The following RGS12 variants were observed in gnomAD, a reference collection of about 807,000 sequenced individuals.
The protein encoded by RGS12 is regulator of G-protein signaling 12.
Under a neutral mutation model 120.1 loss-of-function variants are expected in RGS12, and 66 were observed. The observed-to-expected ratio is 0.55, with a 90% CI of 0.45 to 0.67. The LOEUF (loss-of-function observed/expected upper bound fraction) is 0.67, where lower values mean the gene tolerates loss of function less well. RGS12 is among the 30% of genes least tolerant of loss of function. RGS12 has a pLI of 0.00. For synonymous variants in RGS12, 827 were observed against 804.7 expected, an observed-to-expected ratio of 1.03 and a Z score of -0.47; for missense variants, 1,859 against 1,957.7, an observed-to-expected ratio of 0.95 and a Z score of 0.95.
chr4:3,297,424 A>G (rs1723441613), intron 1 of RGS12, among the ~76,000 whole-genome samples: 2 of 152,162 alleles, frequency 1.3e-5, no homozygotes, highest in African/African-American at 2.4e-5. Context: ...AAAGCTTAAG[A>G]CATTCTTTTT....
At chr4:3,310,014 G>A (rs1264233774) in intron 1 of RGS12, among the ~76,000 whole-genome samples, 17 of 125,360 alleles carry the variant, frequency 1.4e-4, no homozygotes, top group South Asian at 2.7e-4. Flanking sequence ...AACCGTGTGG[G>A]GGAGGAGCTG....
rs1724717702 is a variant in RGS12, at chr4:3,316,072, C to T, written c.-99C>T. The T allele has an allele frequency of 8.1e-7, 1 of 1,240,658 alleles. No homozygotes were observed. Among genetic ancestry groups the T allele is most frequent in the East Asian group, 2.4e-5 (1 of 41,958 alleles). The allele number at this position is 1,240,658 out of a possible 1,614,324, so 76.9% of individuals were successfully genotyped here. ...AGCTGTTCGTTTTTCTTTCTTAGGG[C>T]ACTGTTTGAAGAAGCAAACATGGTA... On this transcript the variant is annotated splice_region_variant and 5_prime_UTR_variant, in exon 2 of 18. Coordinates refer to ENST00000336727, the MANE Select transcript of RGS12 (RefSeq NM_001394154.1).
intron 1 of RGS12, among the ~76,000 whole-genome samples, chr4:3,308,824 T>C (rs1724121892): frequency 6.6e-6 from 1 of 152,276 alleles, no homozygotes; most frequent in Non-Finnish European, 1.5e-5. Flanking sequence ...CTGTCAGGAT[T>C]GTGCTGTCAT....
intron 3 of RGS12, among the ~76,000 whole-genome samples, chr4:3,369,186 C>A (rs1371058026): frequency 6.6e-6 from 1 of 152,174 alleles, no homozygotes; most frequent in Non-Finnish European, 1.5e-5. Flanking sequence ...TGCCCCCCGC[C>A]CCTGCAGACT....
At position 3,374,597 on chromosome 4, in the gene RGS12, C is replaced by T. The variant is rs566276159; in HGVS notation, c.1999-11819C>T. ...TCCAGTGTACCCCTCCCTCAGTCTG[C>T]CACATCTCAGGAAGGGATGTCCCTG... is the stretch of plus-strand genomic sequence containing the variant. On this transcript the variant is annotated intron_variant, in intron 3 of 17. Coordinates refer to ENST00000336727, the MANE Select transcript of RGS12 (RefSeq NM_001394154.1). This position sits in a 1 kb window ranked among gnomAD's most constrained non-coding sequence, Gnocchi z 6.3. Among the ~76,000 whole-genome samples the T allele has an allele frequency of 6.6e-5, 10 of 152,150 alleles. No individual in the cohort carries two copies. The highest frequency in any genetic ancestry group is 4.6e-4 in the Admixed American group (7 of 15,294).
At chr4:3,318,073 C>T in intron 2 of RGS12, 22 bp downstream of exon 2, 6 of 1,574,708 alleles carry the variant, frequency 3.8e-6, no homozygotes, top group Non-Finnish European at 5.2e-6. Flanking sequence ...AGGAGCCACT[C>T]AGCGCGGAGG....
Position 3,366,089 on chromosome 4 carries a change from A to C in RGS12, c.1999-20327A>C, listed in dbSNP as rs1030661501. Among the ~76,000 whole-genome samples, 1 of 152,044 alleles carries C rather than the reference A, an allele frequency of 6.6e-6. No homozygotes were observed. Among genetic ancestry groups the C allele is most frequent in the Non-Finnish European group, 1.5e-5 (1 of 67,994 alleles). On this transcript the variant is annotated intron_variant, in intron 3 of 17. Coordinates refer to ENST00000336727, the MANE Select transcript of RGS12 (RefSeq NM_001394154.1). This position sits in a 1 kb window ranked among gnomAD's most constrained non-coding sequence, Gnocchi z 4.0. ...GCAGGCCAGGCAGTGGTGGGACCTC[A>C]TCTGGGGGGTGCTGGCCTGGGCAGC...
chr4:3,424,101 AGGC>A (rs1723343731), intron 13 of RGS12, among the ~76,000 whole-genome samples: 1 of 152,242 alleles, frequency 6.6e-6, no homozygotes. Flanking sequence ...TGGCATTTCC[AGGC>A]TGCGCCATTA....
At chr4:3,304,615 A>G (rs565407535) in intron 1 of RGS12, among the ~76,000 whole-genome samples, 1 of 152,282 alleles carries the variant, frequency 6.6e-6, no homozygotes, top group East Asian at 1.9e-4. Context: ...CGCTTGTGAG[A>G]TTATGATCAG....
At chr4:3,340,500 G>A (rs899055793) in intron 2 of RGS12, among the ~76,000 whole-genome samples, 1 of 152,234 alleles carries the variant, frequency 6.6e-6, no homozygotes, top group Non-Finnish European at 1.5e-5. Context: ...GGGCGCCCGG[G>A]GTGTGGACCC....
At chr4:3,329,123 A>G (rs1711542671) in intron 2 of RGS12, among the ~76,000 whole-genome samples, 1 of 151,976 alleles carries the variant, frequency 6.6e-6, no homozygotes, top group Non-Finnish European at 1.5e-5. Flanking sequence ...TTCCTTTCCT[A>G]CCCTCCCTGT....
chr4:3,428,540 A>T lies in RGS12; in HGVS notation c.3412-18A>T. 6.4e-7 allele frequency: 1 copy of T among 1,565,450 alleles called. No individual in the cohort carries two copies. On this transcript the variant is annotated intron_variant, in intron 15 of 17. Transcript: ENST00000336727. ...GTATTGAAATGAAAGTAGAACTTTG[A>T]CTTTCCTTCTAATGCAGGGAGAGGA...
chr4:3,329,567 C>T (rs899915696), intron 2 of RGS12, among the ~76,000 whole-genome samples: 1 of 147,394 alleles, frequency 6.8e-6, no homozygotes, highest in Non-Finnish European at 1.5e-5. Flanking sequence ...ACACAAACGT[C>T]CCCTCATACA....
chr4:3,327,655 A>AC (rs1437335025), intron 2 of RGS12, among the ~76,000 whole-genome samples: 1 of 152,238 alleles, frequency 6.6e-6, no homozygotes. Flanking sequence ...CAAACGTTCA[A>AC]CAGGCATGTG....
At chr4:3,318,202 C>T in intron 2 of RGS12, 151 bp downstream of exon 2, 1 of 677,222 alleles carries the variant, frequency 1.5e-6, no homozygotes. Context: ...TCTGCGTTGC[C>T]TGTGGGCTGC....
chr4:3,412,014 A>G (rs1266520762), intron 4 of RGS12, among the ~76,000 whole-genome samples: 3 of 152,270 alleles, frequency 2.0e-5, no homozygotes, highest in African/African-American at 7.2e-5. Context: ...CATTTGATCT[A>G]TAACAGATCA....
intron 3 of RGS12, chr4:3,386,089 CACTT>C: frequency 2.7e-6 from 1 of 364,124 alleles, no homozygotes; most frequent in Non-Finnish European, 5.0e-6. Flanking sequence ...GTGTGTGTGT[CACTT>C]ACAGGGCATG....
At chr4:3,371,876 C>T (rs1578852736) in intron 3 of RGS12, among the ~76,000 whole-genome samples, 1 of 152,202 alleles carries the variant, frequency 6.6e-6, no homozygotes, top group South Asian at 2.1e-4. Context: ...TCCAGCTCCC[C>T]TCATCTTGAG....
intron 1 of RGS12, among the ~76,000 whole-genome samples, chr4:3,298,709 C>T (rs1723516149): frequency 6.6e-6 from 1 of 152,128 alleles, no homozygotes; most frequent in African/African-American, 2.4e-5. Flanking sequence ...TGTATTTGTC[C>T]TGCTCAGGGT....
Sources: gnomAD v4.1 joint callset for allele counts (sites outside exome capture counted in the v4.1 genomes callset) on GRCh38, gnomAD v4.1.1 for gene constraint, Gnocchi (gnomAD v3.1) non-coding constraint, MANE v1.5 for transcripts, NCBI Gene and HGNC (gene_info 2026-07-23, HGNC 2026-07-21) for gene names.